Variants in CNTN1 observed in about 807,000 individuals in gnomAD.
CNTN1 encodes contactin 1, also known as contactin-1.
In CNTN1, 38 loss-of-function variants were observed where a neutral mutation model predicts 126.4. That is an observed-to-expected ratio of 0.30 (90% CI 0.23 to 0.39). The LOEUF (loss-of-function observed/expected upper bound fraction) is 0.39. Among genes scored for constraint, CNTN1 ranks in the 10% least tolerant of loss-of-function variants. CNTN1 has a pLI of 1.00. For missense variants in CNTN1, 1,009 were observed against 1,248.4 expected, an observed-to-expected ratio of 0.81 and a Z score of 2.89; for synonymous variants, 413 against 422.6, an observed-to-expected ratio of 0.98 and a Z score of 0.28.
intron 1 of CNTN1, among the ~76,000 whole-genome samples, chr12:40,752,208 G>C (rs1230595938): frequency 6.6e-6 from 1 of 152,042 alleles, no homozygotes; most frequent in African/African-American, 2.4e-5. Context: ...GATGAGCCTT[G>C]GCTTACAATG....
At chr12:40,709,440 A>G (rs1279837214) in intron 1 of CNTN1, among the ~76,000 whole-genome samples, 1 of 152,220 alleles carries the variant, frequency 6.6e-6, no homozygotes, top group Non-Finnish European at 1.5e-5. Flanking sequence ...TCAGAATGCT[A>G]AATGAGTATT....
chr12:40,902,661 G>GTAAA (rs1186834773), intron 1 of CNTN1, among the ~76,000 whole-genome samples: 1 of 152,098 alleles, frequency 6.6e-6, no homozygotes, highest in East Asian at 1.9e-4. Flanking sequence ...CTCTGTCAAT[G>GTAAA]TAAATGATTG....
rs559926759 is a variant in CNTN1, at chr12:40,709,275, G to C, written c.-77+16683G>C. On this transcript the variant is annotated intron_variant, in intron 1 of 23. Transcript: ENST00000551295. ...TCAATGAGCAGTAATATTTTGAAAA[G>C]ATTGTTTTTTTTCTGAGCAGTCGGT... is the stretch of plus-strand genomic sequence containing the variant. Among the ~76,000 whole-genome samples the C allele has an allele frequency of 5.2e-4, 79 of 152,276 alleles. 2 individuals are homozygous for C. The South Asian group carries it at 0.016, about 30-fold the overall frequency.
At chr12:40,851,275 C>A (rs1011735529) in intron 1 of CNTN1, among the ~76,000 whole-genome samples, 1 of 152,206 alleles carries the variant, frequency 6.6e-6, no homozygotes, top group Non-Finnish European at 1.5e-5. Flanking sequence ...TGTATATACT[C>A]TTTTCACTTT....
chr12:40,824,495 A>C (rs567272811), intron 1 of CNTN1, among the ~76,000 whole-genome samples: 1 of 152,286 alleles, frequency 6.6e-6, no homozygotes, highest in African/African-American at 2.4e-5. Context: ...ACAATATCTC[A>C]ATTTTAGAGA....
At chr12:40,708,701 G>A (rs1941832444) in intron 1 of CNTN1, among the ~76,000 whole-genome samples, 1 of 152,164 alleles carries the variant, frequency 6.6e-6, no homozygotes, top group African/African-American at 2.4e-5. Flanking sequence ...CTGAATTTAT[G>A]TAGTATTCTG....
At chr12:41,040,323 C>G (rs1245586808) in intron 23 of CNTN1, among the ~76,000 whole-genome samples, 2 of 152,024 alleles carry the variant, frequency 1.3e-5, no homozygotes, top group Non-Finnish European at 2.9e-5. Flanking sequence ...TGAATAATAT[C>G]TGAACAAAAT....
At chr12:41,030,393 T>G (rs935128023) in intron 23 of CNTN1, among the ~76,000 whole-genome samples, 13 of 151,842 alleles carry the variant, frequency 8.6e-5, no homozygotes, top group Admixed American at 7.9e-4. Flanking sequence ...AGAACTTTGA[T>G]TTTTTTTAGT....
At chr12:40,981,282 T>A (rs1287602285) in intron 16 of CNTN1, among the ~76,000 whole-genome samples, 1 of 152,186 alleles carries the variant, frequency 6.6e-6, no homozygotes, top group East Asian at 1.9e-4. Context: ...AGAAGTATCA[T>A]TTCTAAATCA....
chr12:40,868,536 A>G (rs1200876584), intron 1 of CNTN1, among the ~76,000 whole-genome samples: 1 of 152,152 alleles, frequency 6.6e-6, no homozygotes, highest in African/African-American at 2.4e-5. Flanking sequence ...TGACCTCAGC[A>G]GTAGCATTCC....
chr12:40,980,848 T>G, intron 15 of CNTN1, 61 bp from the exon 16 acceptor site: 1 of 1,457,620 alleles, frequency 6.9e-7, no homozygotes. Context: ...TTTTATATTC[T>G]AATGTGTGTT....
chr12:40,703,137 T>C (rs1941643748), intron 1 of CNTN1, among the ~76,000 whole-genome samples: 1 of 152,124 alleles, frequency 6.6e-6, no homozygotes, highest in Non-Finnish European at 1.5e-5. Context: ...TTTTGCATAT[T>C]CTCCCTAGTA....
intron 23 of CNTN1, among the ~76,000 whole-genome samples, chr12:41,063,939 A>G (rs943852584): frequency 1.3e-5 from 2 of 151,990 alleles, no homozygotes; most frequent in Non-Finnish European, 2.9e-5. Context: ...CATTTTGGGA[A>G]GCCGAGGCGG....
chr12:40,974,324 GC>G (rs1566072257), intron 15 of CNTN1, among the ~76,000 whole-genome samples: 1 of 152,010 alleles, frequency 6.6e-6, no homozygotes, highest in East Asian at 1.9e-4. Context: ...ATTTAAAAAG[GC>G]ATGATTGGCC....
intron 1 of CNTN1, among the ~76,000 whole-genome samples, chr12:40,860,102 A>G (rs2136640912): frequency 6.6e-6 from 1 of 152,260 alleles, no homozygotes; most frequent in East Asian, 1.9e-4. Flanking sequence ...AATATTGATC[A>G]GAAATCGGAT....
intron 1 of CNTN1, among the ~76,000 whole-genome samples, chr12:40,769,361 T>C (rs1228633840): frequency 6.6e-6 from 1 of 152,186 alleles, no homozygotes; most frequent in East Asian, 1.9e-4. Flanking sequence ...ATGATGTTAA[T>C]GTTATTAAAT....
chr12:40,713,596 A>C (rs936758569), intron 1 of CNTN1, among the ~76,000 whole-genome samples: 8 of 152,002 alleles, frequency 5.3e-5, no homozygotes, highest in Non-Finnish European at 1.5e-5. Context: ...AATGCCCCCC[A>C]CACACCATAA....
At chr12:41,020,077 T>C (rs1948873481) in intron 19 of CNTN1, among the ~76,000 whole-genome samples, 1 of 152,120 alleles carries the variant, frequency 6.6e-6, no homozygotes, top group African/African-American at 2.4e-5. Context: ...GGAATGTGTA[T>C]GTGTATATGT....
At position 40,966,509 on chromosome 12, in the gene CNTN1, T is replaced by C. The variant is rs142444442; in HGVS notation, c.1804+7275T>C. Among the ~76,000 whole-genome samples the C allele has an allele frequency of 2.5e-3, 373 of 152,198 alleles. 1 individual carries two copies. Among genetic ancestry groups the C allele is most frequent in the African/African-American group, 8.6e-3 (359 of 41,528 alleles). On this transcript the variant is annotated intron_variant, in intron 15 of 23. Coordinates refer to ENST00000551295, the MANE Select transcript of CNTN1 (RefSeq NM_001843.4). ...ATTGTAATACACAAAAGCTAAAATA[T>C]TGAGCTGAAATGCATATTTGGTTAT...
Sources: allele counts gnomAD v4.1 joint callset (sites outside exome capture counted in the v4.1 genomes callset), GRCh38; gene constraint gnomAD v4.1.1; transcripts MANE v1.5; gene names NCBI Gene and HGNC (gene_info 2026-07-23, HGNC 2026-07-21).